Variants in SS18L1 observed in about 807,000 individuals in gnomAD.
SS18L1 encodes calcium-responsive transactivator.
In SS18L1, 32 loss-of-function variants were observed where a neutral mutation model predicts 70.3. The observed-to-expected ratio is 0.46, with a 90% CI of 0.34 to 0.61. The LOEUF is 0.61. Ranked by LOEUF, SS18L1 falls within the 20% of genes least tolerant of loss-of-function variation. SS18L1 has a pLI of 0.01. For synonymous variants in SS18L1, 237 were observed against 229.7 expected, an observed-to-expected ratio of 1.03 and a Z score of -0.29; for missense variants, 430 against 542.1, an observed-to-expected ratio of 0.79 and a Z score of 2.05.
chr20:62,166,234 C>T (rs186499753), intron 8 of SS18L1, among the ~76,000 whole-genome samples: 12 of 152,354 alleles, frequency 7.9e-5, no homozygotes, highest in Admixed American at 3.9e-4. Flanking sequence ...CAACCTCGTC[C>T]GGGAGGGAAG....
intron 8 of SS18L1, among the ~76,000 whole-genome samples, chr20:62,166,160 C>T (rs1245921641): frequency 6.6e-6 from 1 of 152,240 alleles, no homozygotes. Flanking sequence ...ACAGCCCGTT[C>T]CAGTCCCACC....
At chr20:62,163,412 C>CG in intron 5 of SS18L1, 46 bp from the exon 6 acceptor site, 1 of 1,421,164 alleles carries the variant, frequency 7.0e-7, no homozygotes, top group East Asian at 3.0e-5. Context: ...GGAGGGAGGG[C>CG]GGGAGGCTTC....
intron 8 of SS18L1, among the ~76,000 whole-genome samples, chr20:62,171,426 G>A (rs1050131681): frequency 2.6e-5 from 4 of 152,176 alleles, no homozygotes; most frequent in African/African-American, 7.2e-5. Context: ...AGAGGAAGGC[G>A]TGGAAGTTCA....
intron 1 of SS18L1, among the ~76,000 whole-genome samples, chr20:62,155,317 G>A (rs1306125627): frequency 6.6e-6 from 1 of 152,196 alleles, no homozygotes; most frequent in African/African-American, 2.4e-5. Context: ...GGCGGTTGAG[G>A]TAGGAGGATC....
chr20:62,174,013 T>A lies in SS18L1; in HGVS notation c.1037-504T>A, dbSNP rs2057576786. Among the ~76,000 whole-genome samples the A allele has an allele frequency of 2.0e-5, 3 of 148,106 alleles. No homozygotes were observed. Among genetic ancestry groups the A allele is most frequent in the African/African-American group, 7.5e-5 (3 of 40,014 alleles). On this transcript the variant is annotated intron_variant, in intron 9 of 10. Coordinates refer to ENST00000331758, the MANE Select transcript of SS18L1 (RefSeq NM_198935.3). This position sits in a 1 kb window ranked among gnomAD's most constrained non-coding sequence, Gnocchi z 4.1. ...TGGCTTGGGTGACAGAGTGACACCCTGCCTAAAAAAAAAAAAAAAAATTGG... is the reference window on the plus strand; with the variant it reads ...TGGCTTGGGTGACAGAGTGACACCCAGCCTAAAAAAAAAAAAAAAAATTGG...
chr20:62,150,001 T>C (rs1433991245), intron 1 of SS18L1, among the ~76,000 whole-genome samples: 1 of 152,220 alleles, frequency 6.6e-6, no homozygotes, highest in Non-Finnish European at 1.5e-5. Context: ...AGACTGGAAG[T>C]GATTGCCAAG....
At chr20:62,164,830 G>A (rs573884070) in intron 7 of SS18L1, among the ~76,000 whole-genome samples, 5 of 152,252 alleles carry the variant, frequency 3.3e-5, no homozygotes, top group South Asian at 4.1e-4. Context: ...GGAGGTTGAA[G>A]CTGCATTGAG....
Position 62,174,864 on chromosome 20 carries a change from C to G in SS18L1, c.1164+220C>G, listed in dbSNP as rs1185457673. ...GCTGGCTTTTCATACCCTAAGCTCA[C>G]CGTTAGATCTGCACGCCTGGTTCTC... is the stretch of plus-strand genomic sequence containing the variant. On this transcript the variant is annotated intron_variant, in intron 10 of 10. Coordinates refer to ENST00000331758, the MANE Select transcript of SS18L1 (RefSeq NM_198935.3). This position sits in a 1 kb window ranked among gnomAD's most constrained non-coding sequence, Gnocchi z 4.1. The G allele has an allele frequency of 6.3e-6, 9 of 1,429,250 alleles. No individual in the cohort carries two copies. Among genetic ancestry groups the G allele is most frequent in the Non-Finnish European group, 8.3e-6 (9 of 1,088,572 alleles). The allele number at this position is 1,429,250 out of a possible 1,614,324, so 88.5% of individuals were successfully genotyped here.
chr20:62,153,120 C>G (rs1227121351), intron 1 of SS18L1, among the ~76,000 whole-genome samples: 2 of 152,188 alleles, frequency 1.3e-5, no homozygotes, highest in African/African-American at 4.8e-5. Flanking sequence ...ACCTTCTTCA[C>G]AAGGCGGCAG....
chr20:62,167,084 C>T (rs1193100488), intron 8 of SS18L1, among the ~76,000 whole-genome samples: 7 of 114,044 alleles, frequency 6.1e-5, no homozygotes, highest in African/African-American at 2.5e-4. Context: ...CTCACTCTGT[C>T]GCCGAGGCTG....
chr20:62,179,260 C>A lies in SS18L1; in HGVS notation c.*52C>A, dbSNP rs779937495. The A allele has an allele frequency of 1.2e-6, 2 of 1,606,148 alleles. No individual in the cohort carries two copies. The highest frequency in any genetic ancestry group is 3.3e-5 in the Admixed American group (2 of 59,926). On this transcript the variant is annotated 3_prime_UTR_variant, in exon 11 of 11. Transcript: ENST00000331758. ...TGTGGTAGCGTGTTCATCCAGGGGC[C>A]GGATGGGCTGGCGGCAGCTCTGGTG... is the stretch of plus-strand genomic sequence containing the variant.
chr20:62,152,101 C>T (rs2057144064), intron 1 of SS18L1, among the ~76,000 whole-genome samples: 1 of 152,140 alleles, frequency 6.6e-6, no homozygotes, highest in South Asian at 2.1e-4. Flanking sequence ...CCTTCCCCCA[C>T]CTTACCCATG....
chr20:62,147,132 A>G (rs1216581178), intron 1 of SS18L1, among the ~76,000 whole-genome samples: 1 of 152,144 alleles, frequency 6.6e-6, no homozygotes, highest in Non-Finnish European at 1.5e-5. Flanking sequence ...GGGCAGGGGC[A>G]GGGAGTCACA....
chr20:62,146,062 G>A (rs927263609), intron 1 of SS18L1, among the ~76,000 whole-genome samples: 15 of 148,754 alleles, frequency 1.0e-4, no homozygotes, highest in African/African-American at 3.7e-4. Flanking sequence ...TAGTGAAGGA[G>A]AAGGAGGTCT....
intron 8 of SS18L1, among the ~76,000 whole-genome samples, chr20:62,168,314 A>G (rs1458969897): frequency 6.6e-6 from 1 of 152,160 alleles, no homozygotes; most frequent in Non-Finnish European, 1.5e-5. Context: ...ACATGGTGAC[A>G]CTTTACCCTA....
intron 7 of SS18L1, 103 bp from the exon 8 acceptor site, chr20:62,165,319 C>G: frequency 1.7e-6 from 2 of 1,173,874 alleles, no homozygotes; most frequent in South Asian, 1.4e-5. Context: ...CTTGTTGCCT[C>G]CCTGGCCAGA....
intron 3 of SS18L1, among the ~76,000 whole-genome samples, chr20:62,160,550 T>A (rs750420440): frequency 6.6e-6 from 1 of 152,180 alleles, no homozygotes; most frequent in Non-Finnish European, 1.5e-5. Context: ...CAGTGTTAGT[T>A]CAAATATTTT....
At chr20:62,178,945 C>G (rs2057666823) in intron 10 of SS18L1, among the ~76,000 whole-genome samples, 1 of 152,230 alleles carries the variant, frequency 6.6e-6, no homozygotes, top group Admixed American at 6.5e-5. Context: ...CTGGCACAGG[C>G]CCGGCCGCAG....
intron 8 of SS18L1, among the ~76,000 whole-genome samples, chr20:62,169,265 A>G (rs1480411662): frequency 6.6e-6 from 1 of 152,172 alleles, no homozygotes; most frequent in Non-Finnish European, 1.5e-5. Flanking sequence ...AGGCAAGAGG[A>G]GACTGTGCCC....
Sources: gnomAD v4.1 joint callset for allele counts (sites outside exome capture counted in the v4.1 genomes callset) on GRCh38, gnomAD v4.1.1 for gene constraint, Gnocchi (gnomAD v3.1) non-coding constraint, MANE v1.5 for transcripts, NCBI Gene and HGNC (gene_info 2026-07-23, HGNC 2026-07-21) for gene names.